MGAT4C: variants seen among roughly 807,000 people sequenced by gnomAD.
The protein encoded by MGAT4C is MGAT4 family member C, also known as alpha-1,3-mannosyl-glycoprotein 4-beta-N-acetylglucosaminyltransferase C.
In MGAT4C, 19 loss-of-function variants were observed where a neutral mutation model predicts 40.1. The observed-to-expected ratio is 0.47, with a 90% CI of 0.33 to 0.70. The LOEUF is 0.70. Ranked by LOEUF, MGAT4C falls within the 30% of genes least tolerant of loss-of-function variation. The probability of loss-of-function intolerance (pLI) is 0.02; values close to 1 mark genes in which losing one functional copy is unlikely to be tolerated. For synonymous variants in MGAT4C, 181 were observed against 187.1 expected (o/e 0.97, Z 0.27); for missense variants, 491 against 563.2 (o/e 0.87, Z 1.30).
intron 2 of MGAT4C, among the ~76,000 whole-genome samples, chr12:86,694,392 A>T (rs576194354): frequency 6.6e-6 from 1 of 152,296 alleles, no homozygotes; most frequent in African/African-American, 2.4e-5. Context: ...ATTTTACAAT[A>T]ATTTTGTGAT....
intron 3 of MGAT4C, among the ~76,000 whole-genome samples, chr12:86,357,512 A>C (rs2136197815): frequency 6.6e-6 from 1 of 152,298 alleles, no homozygotes; most frequent in South Asian, 2.1e-4. Context: ...TCAGACCATC[A>C]GTAATAACAA....
chr12:86,020,600 G>T (rs1448346623), intron 2 of MGAT4C, among the ~76,000 whole-genome samples: 1 of 152,164 alleles, frequency 6.6e-6, no homozygotes, highest in Non-Finnish European at 1.5e-5. Flanking sequence ...ATGGATTAAA[G>T]ACTTAAATGT....
chr12:86,192,649 T>C (rs894698494), intron 1 of MGAT4C, among the ~76,000 whole-genome samples: 7 of 152,208 alleles, frequency 4.6e-5, no homozygotes, highest in Non-Finnish European at 1.0e-4. Context: ...TTCTAACTCA[T>C]ACAGAGAAAT....
At chr12:86,666,495 A>C (rs1156708967) in intron 2 of MGAT4C, among the ~76,000 whole-genome samples, 1 of 152,192 alleles carries the variant, frequency 6.6e-6, no homozygotes, top group African/African-American at 2.4e-5. Flanking sequence ...CTTTTGAAAA[A>C]AAATGCAGAA....
At chr12:86,715,583 C>T (rs1013136710) in intron 2 of MGAT4C, among the ~76,000 whole-genome samples, 26 of 152,038 alleles carry the variant, frequency 1.7e-4, no homozygotes, top group African/African-American at 4.8e-4. Flanking sequence ...AATCACAGAA[C>T]AAAAAAATTT....
chr12:86,084,271 C>A (rs1225809898), intron 1 of MGAT4C, among the ~76,000 whole-genome samples: 2 of 151,834 alleles, frequency 1.3e-5, no homozygotes, highest in African/African-American at 4.8e-5. Context: ...AAAAACAAGG[C>A]ATTTATTTTT....
At position 85,964,757 on chromosome 12, in the gene MGAT4C, T is replaced by A. The variant is rs1883269815; in HGVS notation, c.*14532A>T. The A allele has an allele frequency of 6.6e-6, 1 of 152,160 alleles. No individual in the cohort carries two copies. The highest frequency in any genetic ancestry group is 6.6e-5 in the Admixed American group (1 of 15,262). The allele number at this position is 152,160 out of a possible 1,614,324, so 9.4% of individuals were successfully genotyped here. A position where few individuals can be genotyped will look rare whatever the true frequency, so the allele number is the denominator to read the frequency against. On this transcript the variant is annotated 3_prime_UTR_variant, in exon 5 of 5. Coordinates refer to ENST00000611864, the MANE Select transcript of MGAT4C (RefSeq NM_001351288.2). Reference sequence around the variant, plus strand: ...AGAAGAAACATTATAGGAAGCATTTTTTTTTCCTACAGAGTCTGCCATATG... The same window carrying A: ...AGAAGAAACATTATAGGAAGCATTTATTTTTCCTACAGAGTCTGCCATATG...
At chr12:86,008,659 A>G (rs1056487698) in intron 2 of MGAT4C, among the ~76,000 whole-genome samples, 9 of 152,158 alleles carry the variant, frequency 5.9e-5, no homozygotes, top group Non-Finnish European at 1.2e-4. Context: ...AGAAGTTATT[A>G]AAACAAACTT....
intron 1 of MGAT4C, among the ~76,000 whole-genome samples, chr12:86,757,514 T>G (rs1246580612): frequency 1.1e-4 from 17 of 152,148 alleles, no homozygotes; most frequent in Non-Finnish European, 1.5e-5. Flanking sequence ...GGTCTGGATT[T>G]GTATTCACTT....
At chr12:86,032,202 T>C (rs755136019) in intron 2 of MGAT4C, among the ~76,000 whole-genome samples, 19 of 151,974 alleles carry the variant, frequency 1.3e-4, no homozygotes, top group Non-Finnish European at 2.4e-4. Context: ...GTCTTTCCTT[T>C]TGAGAACAGT....
At chr12:86,132,757 A>C (rs1481883473) in intron 1 of MGAT4C, among the ~76,000 whole-genome samples, 2 of 139,454 alleles carry the variant, frequency 1.4e-5, no homozygotes. Flanking sequence ...GCGCCACTGC[A>C]CTCCAGCCTG....
At chr12:86,833,440 A>C (rs1161070212) in intron 1 of MGAT4C, among the ~76,000 whole-genome samples, 4 of 151,854 alleles carry the variant, frequency 2.6e-5, no homozygotes, top group Admixed American at 2.6e-4. Context: ...TTACAATTGA[A>C]AGGTTGCAAG....
chr12:86,342,091 C>T (rs1954918353), intron 3 of MGAT4C, among the ~76,000 whole-genome samples: 1 of 152,036 alleles, frequency 6.6e-6, no homozygotes, highest in African/African-American at 2.4e-5. Context: ...CCAGCCATTT[C>T]TTATACATGC....
At chr12:86,383,518 T>A (rs546703776) in intron 3 of MGAT4C, among the ~76,000 whole-genome samples, 40 of 111,658 alleles carry the variant, frequency 3.6e-4, no homozygotes, top group African/African-American at 1.4e-3. Flanking sequence ...GCCGCTGCAC[T>A]CCAGACTGGT....
chr12:86,315,647 A>T lies in MGAT4C; in HGVS notation c.-57+18418T>A, dbSNP rs549272144. 3.0e-3 allele frequency among the ~76,000 whole-genome samples: 457 copies of T among 152,262 alleles called. 2 individuals are homozygous for T. Among genetic ancestry groups the T allele is most frequent in the African/African-American group, 0.01 (436 of 41,568 alleles). ...CATGAACCCGGGAGGCGGAGCTTGC[A>T]GTGAGCCGAGATCGCGCCCCTGCAC... On this transcript the variant is annotated intron_variant, in intron 4 of 7. Transcript: ENST00000548651.
chr12:86,729,781 TC>T (rs1262068039), intron 1 of MGAT4C, among the ~76,000 whole-genome samples: 1 of 152,060 alleles, frequency 6.6e-6, no homozygotes, highest in East Asian at 1.9e-4. Context: ...AAGAAATCAT[TC>T]CCCTAGATGG....
intron 2 of MGAT4C, among the ~76,000 whole-genome samples, chr12:86,551,947 C>G (rs528457110): frequency 1.3e-5 from 2 of 150,640 alleles, no homozygotes; most frequent in Non-Finnish European, 2.9e-5. Flanking sequence ...AAGCCTTCCC[C>G]TAGAAAACCC....
At chr12:86,781,983 A>G (rs1951848969) in intron 1 of MGAT4C, among the ~76,000 whole-genome samples, 1 of 151,836 alleles carries the variant, frequency 6.6e-6, no homozygotes, top group Admixed American at 6.6e-5. Context: ...GTTTATTCAT[A>G]GACTTTTTAT....
At chr12:86,327,423 C>T (rs1954553393) in intron 4 of MGAT4C, among the ~76,000 whole-genome samples, 1 of 151,916 alleles carries the variant, frequency 6.6e-6, no homozygotes, top group Non-Finnish European at 1.5e-5. Flanking sequence ...TTGCTTCAGC[C>T]TAGTCACCAC....
Sources: gnomAD v4.1 joint callset for allele counts (sites outside exome capture counted in the v4.1 genomes callset) on GRCh38, gnomAD v4.1.1 for gene constraint, MANE v1.5 for transcripts, NCBI Gene and HGNC (gene_info 2026-07-23, HGNC 2026-07-21) for gene names.